Variants in XKR6 observed in about 807,000 individuals in gnomAD.
XKR6 encodes XK related 6.
In XKR6, 22 loss-of-function variants were observed where a neutral mutation model predicts 56.7. The ratio of observed to expected loss-of-function variants is 0.39; its 90% CI spans 0.28 to 0.55. XKR6 has a LOEUF of 0.55. Among genes scored for constraint, XKR6 ranks in the 20% least tolerant of loss-of-function variants. XKR6 has a pLI of 0.66. For missense variants in XKR6, 852 were observed against 889.0 expected, an observed-to-expected ratio of 0.96 and a Z score of 0.53; for synonymous variants, 524 against 387.8, an observed-to-expected ratio of 1.35 and a Z score of -4.13.
intron 1 of XKR6, among the ~76,000 whole-genome samples, chr8:10,937,801 C>G (rs1801257724): frequency 1.3e-5 from 2 of 151,752 alleles, no homozygotes; most frequent in East Asian, 3.9e-4. Context: ...CTGCTCTCTT[C>G]AAAGCTGTCA....
chr8:11,199,785 T>A (rs978462727), intron 1 of XKR6, among the ~76,000 whole-genome samples: 1 of 152,132 alleles, frequency 6.6e-6, no homozygotes, highest in African/African-American at 2.4e-5. Context: ...CAAGCTTGCG[T>A]CTTGTGTAAA....
chr8:10,978,182 C>T (rs1344660732), intron 1 of XKR6, among the ~76,000 whole-genome samples: 1 of 152,164 alleles, frequency 6.6e-6, no homozygotes, highest in South Asian at 2.1e-4. Context: ...AGCCCTAACT[C>T]GCCATGATTC....
intron 1 of XKR6, among the ~76,000 whole-genome samples, chr8:11,174,501 T>C (rs1262116138): frequency 1.3e-5 from 2 of 152,184 alleles, no homozygotes; most frequent in Admixed American, 6.5e-5. Flanking sequence ...TAAATACTAT[T>C]TTCCAGCATC....
intron 1 of XKR6, among the ~76,000 whole-genome samples, chr8:11,103,504 A>G (rs745695298): frequency 1.1e-4 from 16 of 152,216 alleles, no homozygotes; most frequent in Admixed American, 3.9e-4. Flanking sequence ...AATGATCTCA[A>G]TATTTTCTAG....
intron 1 of XKR6, among the ~76,000 whole-genome samples, chr8:10,962,994 T>C (rs1376747194): frequency 6.6e-6 from 1 of 152,168 alleles, no homozygotes; most frequent in Non-Finnish European, 1.5e-5. Context: ...ATAGTGACTA[T>C]CTTTTGAGCC....
chr8:11,147,538 C>T (rs1345384976), intron 1 of XKR6, among the ~76,000 whole-genome samples: 2 of 151,850 alleles, frequency 1.3e-5, no homozygotes, highest in African/African-American at 4.8e-5. Flanking sequence ...TGCCTATAGT[C>T]CCAGCTACTC....
chr8:11,163,414 C>A (rs1223508609), intron 1 of XKR6, among the ~76,000 whole-genome samples: 1 of 152,166 alleles, frequency 6.6e-6, no homozygotes, highest in African/African-American at 2.4e-5. Context: ...TCACCATTAT[C>A]ATTTCCCAAG....
At chr8:10,996,886 T>C (rs1798125653) in intron 1 of XKR6, among the ~76,000 whole-genome samples, 1 of 152,076 alleles carries the variant, frequency 6.6e-6, no homozygotes, top group Non-Finnish European at 1.5e-5. Context: ...GAGGATGGCT[T>C]TGAGCCCAGG....
Position 11,200,464 on chromosome 8 carries a change from C to G in XKR6, c.764+112G>C. ...GCCAGGGGCGGCGCGCGGCCGGTCC[C>G]TCCTTCGAGCCCCCCGCGCTGGGCC... is the stretch of plus-strand genomic sequence containing the variant. On this transcript the variant is annotated intron_variant, in intron 1 of 2. Transcript: ENST00000416569. The surrounding 1 kb of genome is among the most constrained non-coding windows in gnomAD (Gnocchi z 6.4). 7.8e-7 allele frequency: 1 copy of G among 1,286,234 alleles called. No individual in the cohort carries two copies. The highest frequency in any genetic ancestry group is 2.2e-5 in the South Asian group (1 of 45,540). The allele number at this position is 1,286,234 out of a possible 1,614,324, so 79.7% of individuals were successfully genotyped here.
intron 2 of XKR6, among the ~76,000 whole-genome samples, chr8:10,901,437 T>C (rs1800033862): frequency 6.6e-6 from 1 of 152,162 alleles, no homozygotes; most frequent in Non-Finnish European, 1.5e-5. Flanking sequence ...CCTCCCAAAG[T>C]GCTGGGATTA....
chr8:11,153,059 A>G (rs1251894406), intron 1 of XKR6, among the ~76,000 whole-genome samples: 1 of 152,262 alleles, frequency 6.6e-6, no homozygotes, highest in Admixed American at 6.5e-5. Flanking sequence ...AATTACAATT[A>G]GAATACAATT....
intron 1 of XKR6, among the ~76,000 whole-genome samples, chr8:10,967,075 G>A (rs1005645809): frequency 6.6e-6 from 1 of 152,198 alleles, no homozygotes; most frequent in Non-Finnish European, 1.5e-5. Context: ...CATCTGCTGA[G>A]TCAGCCCGCA....
chr8:11,061,669 G>A lies in XKR6; in HGVS notation c.765-136839C>T, dbSNP rs1263905672. ...CTGGCCTGGTGGGAGGGCATGTCCT[G>A]GGGGCTGTGAAAGTACAGAGGAAAG... On this transcript the variant is annotated intron_variant, in intron 1 of 2. Transcript: ENST00000416569. Among the ~76,000 whole-genome samples the A allele has an allele frequency of 2.6e-5, 4 of 152,112 alleles. No individual in the cohort carries two copies. In the East Asian group the frequency reaches 7.7e-4, roughly 29 times the overall value.
chr8:11,075,778 C>T (rs1326111924), intron 1 of XKR6, among the ~76,000 whole-genome samples: 1 of 152,068 alleles, frequency 6.6e-6, no homozygotes, highest in Non-Finnish European at 1.5e-5. Flanking sequence ...GAGGCTGAGG[C>T]AGGAGAATCA....
chr8:10,912,478 G>GAC (rs1448271246), intron 2 of XKR6, among the ~76,000 whole-genome samples: 73 of 145,056 alleles, frequency 5.0e-4, no homozygotes, highest in African/African-American at 1.7e-3. Context: ...GAGAGAGAGA[G>GAC]AGAGAGAGAG....
At chr8:10,988,117 C>T (rs1296179918) in intron 1 of XKR6, among the ~76,000 whole-genome samples, 1 of 152,260 alleles carries the variant, frequency 6.6e-6, no homozygotes, top group Non-Finnish European at 1.5e-5. Flanking sequence ...CTTCAACCAC[C>T]TGCCAACTTC....
chr8:10,979,549 G>A (rs1797679677), intron 1 of XKR6, among the ~76,000 whole-genome samples: 1 of 152,158 alleles, frequency 6.6e-6, no homozygotes, highest in South Asian at 2.1e-4. Context: ...TCTAGCCCCT[G>A]AAGCAGCCAA....
intron 1 of XKR6, among the ~76,000 whole-genome samples, chr8:11,191,260 C>T (rs1157617861): frequency 6.6e-6 from 1 of 152,184 alleles, no homozygotes; most frequent in African/African-American, 2.4e-5. Flanking sequence ...CACATACACC[C>T]ACCAACAACA....
intron 1 of XKR6, among the ~76,000 whole-genome samples, chr8:10,953,220 A>G (rs1054254779): frequency 6.6e-6 from 1 of 152,224 alleles, no homozygotes; most frequent in African/African-American, 2.4e-5. Context: ...ATTATCTTCC[A>G]TGAAACTGGT....
Sources: gnomAD v4.1 joint callset for allele counts (sites outside exome capture counted in the v4.1 genomes callset) on GRCh38, gnomAD v4.1.1 for gene constraint, Gnocchi (gnomAD v3.1) non-coding constraint, MANE v1.5 for transcripts, NCBI Gene and HGNC (gene_info 2026-07-23, HGNC 2026-07-21) for gene names.